RAPGEF6: variants seen among roughly 807,000 people sequenced by gnomAD.
RAPGEF6 encodes PDZ domain containing guanine nucleotide exchange factor (GEF) 2.
Under a neutral mutation model 171.4 loss-of-function variants are expected in RAPGEF6, and 56 were observed. The observed-to-expected ratio is 0.33, with a 90% CI of 0.26 to 0.41. The LOEUF is 0.41. Among genes scored for constraint, RAPGEF6 ranks in the 10% least tolerant of loss-of-function variants. RAPGEF6 has a pLI of 1.00. For missense variants in RAPGEF6, 1,674 were observed against 1,921.4 expected, an observed-to-expected ratio of 0.87 and a Z score of 2.41; for synonymous variants, 692 against 650.1, an observed-to-expected ratio of 1.06 and a Z score of -0.98.
rs201609671 is a variant in RAPGEF6, at chr5:131,450,032, C to T, written c.3200+3022G>A. 6.5e-5 allele frequency: 101 copies of T among 1,543,630 alleles called. No individual in the cohort carries two copies. The highest frequency in any genetic ancestry group is 5.0e-4 in the Middle Eastern group (3 of 6,020). On this transcript the variant is annotated intron_variant, in intron 21 of 27. Transcript: ENST00000509018. The stretch of plus-strand genomic sequence containing the variant: ...TCATCTCTACACTTACCCCAGACTC[C>T]GCCACCTCTTCTTCCTGTAAGCAAG...
At chr5:131,484,222 CTT>C (rs751000560) in intron 15 of RAPGEF6, among the ~76,000 whole-genome samples, 8 of 74,106 alleles carry the variant, frequency 1.1e-4, no homozygotes, top group African/African-American at 3.7e-4. Flanking sequence ...ACTGCAGAGG[CTT>C]TTTTTTTTTT....
chr5:131,461,664 C>G (rs552000588), intron 19 of RAPGEF6, 41 bp downstream of exon 19: 3 of 1,526,732 alleles, frequency 2.0e-6, no homozygotes, highest in African/African-American at 2.8e-5. Flanking sequence ...CATGTAATGA[C>G]AAAACCATAC....
intron 13 of RAPGEF6, 43 bp downstream of exon 13, chr5:131,495,510 G>A: frequency 6.8e-7 from 1 of 1,477,202 alleles, no homozygotes; most frequent in Non-Finnish European, 9.4e-7. Context: ...TGTTGAGGGG[G>A]GACCACTACA....
At position 131,455,822 on chromosome 5, in the gene RAPGEF6, C is replaced by T; in HGVS notation, c.3055G>A (p.Asp1019Asn). Residue 1019 changes from aspartate to asparagine, a missense_variant, in exon 20 of 28, where the codon GAT (aspartate) becomes AAT (asparagine). Around this residue, in one of 3 missense-constraint regions of RAPGEF6, gnomAD observed 1,116 missense variants for 1,321.5 expected, o/e 0.84. Transcript: ENST00000509018. ...ATACCTTCATGTAGAAATGTCATAT[C>T]TTTCTTGACAACAGGGAAGAGTGGA... ...IIPLFPVVKK[D>N]MTFLHEGNDS... 6.2e-7 allele frequency: 1 copy of T among 1,612,384 alleles called. No individual in the cohort carries two copies. Among genetic ancestry groups the T allele is most frequent in the Non-Finnish European group, 8.5e-7 (1 of 1,178,708 alleles).
chr5:131,624,536 G>A (rs1020090455), intron 1 of RAPGEF6, among the ~76,000 whole-genome samples: 1 of 152,200 alleles, frequency 6.6e-6, no homozygotes, highest in Non-Finnish European at 1.5e-5. Context: ...GTATACACCT[G>A]TACTCCCAGC....
At chr5:131,609,994 G>A (rs1163919248) in intron 1 of RAPGEF6, among the ~76,000 whole-genome samples, 1 of 152,126 alleles carries the variant, frequency 6.6e-6, no homozygotes, top group Non-Finnish European at 1.5e-5. Context: ...CAATCCAGAA[G>A]CAACTGGCCT....
chr5:131,532,906 AT>A (rs954815421), intron 6 of RAPGEF6: 1 of 152,626 alleles, frequency 6.6e-6, no homozygotes, highest in Non-Finnish European at 1.5e-5. Context: ...CAAAACCATT[AT>A]ATCTTCTGCT....
chr5:131,503,793 G>A (rs753026093), intron 11 of RAPGEF6, among the ~76,000 whole-genome samples: 9 of 152,286 alleles, frequency 5.9e-5, no homozygotes, highest in Non-Finnish European at 1.0e-4. Context: ...AAAACAGTAT[G>A]GGGGTTAATA....
intron 11 of RAPGEF6, 137 bp from the exon 12 acceptor site, chr5:131,498,744 C>T (rs1317116435): frequency 5.2e-6 from 4 of 773,238 alleles, no homozygotes; most frequent in African/African-American, 1.8e-5. Flanking sequence ...AAATCCTTAG[C>T]GCTGGGAGAA....
chr5:131,555,438 T>G (rs1464131941), intron 5 of RAPGEF6, among the ~76,000 whole-genome samples: 1 of 152,038 alleles, frequency 6.6e-6, no homozygotes, highest in Non-Finnish European at 1.5e-5. Context: ...GTGTCAATGC[T>G]GACATTTCCT....
intron 5 of RAPGEF6, among the ~76,000 whole-genome samples, chr5:131,561,257 A>T (rs1314186101): frequency 1.3e-5 from 2 of 152,202 alleles, no homozygotes; most frequent in East Asian, 3.8e-4. Context: ...TCTTACTTGG[A>T]TCTAATTGTA....
intron 18 of RAPGEF6, among the ~76,000 whole-genome samples, chr5:131,462,666 C>T (rs1211731888): frequency 2.0e-5 from 3 of 152,200 alleles, no homozygotes; most frequent in Non-Finnish European, 4.4e-5. Flanking sequence ...AGTTACCACA[C>T]ATTAAGACCT....
At chr5:131,451,043 G>A (rs1753032027) in intron 21 of RAPGEF6, among the ~76,000 whole-genome samples, 1 of 152,302 alleles carries the variant, frequency 6.6e-6, no homozygotes, top group Middle Eastern at 3.4e-3. Context: ...CCAATAGAGA[G>A]TGTTAGGGTC....
At chr5:131,579,327 C>G (rs1762791290) in intron 4 of RAPGEF6, among the ~76,000 whole-genome samples, 1 of 152,194 alleles carries the variant, frequency 6.6e-6, no homozygotes, top group Non-Finnish European at 1.5e-5. Flanking sequence ...AGCAAAAGAA[C>G]AAAGTTTCCA....
chr5:131,487,282 T>A (rs762065723), intron 15 of RAPGEF6, among the ~76,000 whole-genome samples: 3 of 152,130 alleles, frequency 2.0e-5, no homozygotes, highest in Non-Finnish European at 2.9e-5. Context: ...GCAGCAAGAT[T>A]TATTGTGAAG....
At chr5:131,583,453 T>A (rs775776484) in intron 4 of RAPGEF6, among the ~76,000 whole-genome samples, 1 of 152,160 alleles carries the variant, frequency 6.6e-6, no homozygotes, top group Non-Finnish European at 1.5e-5. Context: ...ACTGAACAGG[T>A]CATTTTATTG....
chr5:131,447,502 A>C (rs1752797141), intron 21 of RAPGEF6: 1 of 152,062 alleles, frequency 6.6e-6, no homozygotes, highest in African/African-American at 2.4e-5. Flanking sequence ...AACATCCTAC[A>C]ACGACTGCAC....
Position 131,464,103 on chromosome 5 carries a change from T to A in RAPGEF6, c.2418A>T (p.Ile806=), listed in dbSNP as rs1291043034. 6.2e-7 allele frequency: 1 copy of A among 1,613,660 alleles called. No individual in the cohort carries two copies. The highest frequency in any genetic ancestry group is 8.5e-7 in the Non-Finnish European group (1 of 1,179,764). Residue 806 remains isoleucine (I), a synonymous_variant, in exon 18 of 28, where the codon ATA becomes ATT. Coordinates refer to ENST00000509018, the MANE Select transcript of RAPGEF6 (RefSeq NM_016340.6). ...CEVSVTPEGV[I]KQRRLPDQFS... ...ACTGATCTGGAAGTCTTCTCTGTTT[T>A]ATGACACCCTCAGGAGTAACAGAAA...
Position 131,464,167 on chromosome 5 carries a change from C to T in RAPGEF6, c.2354G>A (p.Gly785Asp), listed in dbSNP as rs1754151663. The change falls in exon 18 of 28, where the codon GGT (glycine) becomes GAT (aspartate). Residue 785 changes from glycine to aspartate, a missense_variant. By Grantham distance (94) the Gly-to-Asp change is moderately conservative. Transcript: ENST00000509018. ...ATATGTGTCGGATGCACCGGTCAAA[C>T]CAAATTCATGAACAGCATGAAAAAC... The part of the protein sequence containing the change: ...EVVFHAVHEF[G>D]LTGASDTYSL... 6.2e-7 allele frequency: 1 copy of T among 1,613,846 alleles called. No individual in the cohort carries two copies. The highest frequency in any genetic ancestry group is 1.7e-5 in the Admixed American group (1 of 60,000).
Sources: gnomAD v4.1 joint callset for allele counts (sites outside exome capture counted in the v4.1 genomes callset) on GRCh38, gnomAD v4.1.1 for gene constraint, gnomAD v4.1.1 regional missense constraint, MANE v1.5 for transcripts, NCBI Gene and HGNC (gene_info 2026-07-23, HGNC 2026-07-21) for gene names.